Variants in PTBP3 observed in about 807,000 individuals in gnomAD.
The protein encoded by PTBP3 is polypyrimidine tract binding protein 3, also known as polypyrimidine tract-binding protein 3.
Under a neutral mutation model 58.7 loss-of-function variants are expected in PTBP3, and 20 were observed. The ratio of observed to expected loss-of-function variants is 0.34; its 90% CI spans 0.24 to 0.50. PTBP3 has a LOEUF of 0.50. Ranked by LOEUF, PTBP3 falls within the 20% of genes least tolerant of loss-of-function variation. The probability of loss-of-function intolerance (pLI) is 0.98; values close to 1 mark genes in which losing one functional copy is unlikely to be tolerated. For missense variants in PTBP3, 509 were observed against 637.2 expected, an observed-to-expected ratio of 0.80 and a Z score of 2.17; for synonymous variants, 185 against 219.8, an observed-to-expected ratio of 0.84 and a Z score of 1.40.
intron 1 of PTBP3, among the ~76,000 whole-genome samples, chr9:112,307,537 C>T (rs573980002): frequency 3.3e-5 from 5 of 152,242 alleles, no homozygotes; most frequent in African/African-American, 4.8e-5. Flanking sequence ...ATAAACAAGA[C>T]GTTTCTGAAG....
chr9:112,351,259 T>G, the PTBP3 span, among the ~76,000 whole-genome samples: 1 of 152,224 alleles, frequency 6.6e-6, no homozygotes, highest in Non-Finnish European at 1.5e-5. Flanking sequence ...GTGATGACCT[T>G]CACAGTTTTA....
chr9:112,336,520 C>A (rs1398234953), upstream of PTBP3, among the ~76,000 whole-genome samples: 1 of 40,826 alleles, frequency 2.4e-5, no homozygotes, highest in Non-Finnish European at 3.9e-5. Context: ...GTGGCTCACA[C>A]CTGTAAATCA....
At chr9:112,294,528 C>G (rs1828584757) in intron 2 of PTBP3, among the ~76,000 whole-genome samples, 1 of 152,028 alleles carries the variant, frequency 6.6e-6, no homozygotes, top group African/African-American at 2.4e-5. Context: ...AAAAACAAAA[C>G]AAAACAAAAA....
At chr9:112,316,787 C>T (rs1829720468) in intron 1 of PTBP3, among the ~76,000 whole-genome samples, 1 of 151,774 alleles carries the variant, frequency 6.6e-6, no homozygotes, top group Non-Finnish European at 1.5e-5. Context: ...GTGTGGCCAA[C>T]ATGGCGAAAC....
chr9:112,331,447 C>G (rs1276344062), intron 1 of PTBP3, among the ~76,000 whole-genome samples: 2 of 152,156 alleles, frequency 1.3e-5, no homozygotes, highest in African/African-American at 4.8e-5. Context: ...TTGTTAATAA[C>G]CTATGTCATC....
the PTBP3 span, among the ~76,000 whole-genome samples, chr9:112,355,956 TTCTC>T: frequency 1.3e-5 from 2 of 151,730 alleles, no homozygotes; most frequent in East Asian, 1.9e-4. Context: ...CTTTCTTTCT[TTCTC>T]TTTCTCTTTC....
intron 9 of PTBP3, 21 bp downstream of exon 9, chr9:112,232,078 A>C: frequency 6.3e-7 from 1 of 1,591,588 alleles, no homozygotes; most frequent in Non-Finnish European, 8.5e-7. Context: ...GACTATTTAC[A>C]TATAATACTT....
the PTBP3 span, among the ~76,000 whole-genome samples, chr9:112,352,834 A>AT: frequency 6.6e-6 from 1 of 151,648 alleles, no homozygotes; most frequent in African/African-American, 2.4e-5. Context: ...GTTCTGGTTC[A>AT]TTTTTTTGTG....
rs1050458072 is a variant in PTBP3, at chr9:112,277,720, C to A, written c.35-1707G>T. Reference sequence around the variant, plus strand: ...AAAAAAAACCAAACAAACAAACAAACAAAAAAATTAGCAGGATGTGCTGGC... The same window carrying A: ...AAAAAAAACCAAACAAACAAACAAAAAAAAAAATTAGCAGGATGTGCTGGC... On this transcript the variant is annotated intron_variant, in intron 2 of 13. Coordinates refer to ENST00000374257, the MANE Select transcript of PTBP3 (RefSeq NM_001163788.4). 1.8e-4 allele frequency among the ~76,000 whole-genome samples: 27 copies of A among 151,562 alleles called. 1 individual carries two copies. Among genetic ancestry groups the A allele is most frequent in the Non-Finnish European group, 3.5e-4 (24 of 67,876 alleles).
the PTBP3 span, chr9:112,362,763 G>A: frequency 5.2e-5 from 13 of 251,648 alleles, no homozygotes; most frequent in South Asian, 5.4e-4. Context: ...AAAAAGAGGA[G>A]CAAGAAGTTC....
Position 112,313,925 on chromosome 9 carries a change from CA to C in PTBP3, c.-51-16010del, listed in dbSNP as rs564844083. Reference sequence around the variant, plus strand: ...GGATGAACCAACTGACGACGGAAAACATTTGGGAAAAAAAGTTCCACAAAGT... The same window carrying C: ...GGATGAACCAACTGACGACGGAAAACTTTGGGAAAAAAAGTTCCACAAAGT... On this transcript the variant is annotated intron_variant, in intron 1 of 13. Coordinates refer to ENST00000374257, the MANE Select transcript of PTBP3 (RefSeq NM_001163788.4). Among the ~76,000 whole-genome samples, 1,208 of 152,234 alleles carry C rather than the reference CA, an allele frequency of 7.9e-3. 5 individuals carry two copies. The highest frequency in any genetic ancestry group is 0.027 in the Middle Eastern group (8 of 294).
chr9:112,304,548 G>A (rs1197328771), intron 1 of PTBP3, among the ~76,000 whole-genome samples: 2 of 152,118 alleles, frequency 1.3e-5, no homozygotes, highest in Admixed American at 6.5e-5. Context: ...CTTTCTCCAT[G>A]TTGTTAGTCT....
At chr9:112,305,255 A>C (rs1011711094) in intron 1 of PTBP3, among the ~76,000 whole-genome samples, 1 of 127,274 alleles carries the variant, frequency 7.9e-6, no homozygotes, top group African/African-American at 2.8e-5. Flanking sequence ...TCATGCCTGA[A>C]AGGACTTTTT....
At chr9:112,343,918 C>T in the PTBP3 span, among the ~76,000 whole-genome samples, 1 of 151,684 alleles carries the variant, frequency 6.6e-6, no homozygotes, top group Non-Finnish European at 1.5e-5. Context: ...AGTACCTGTT[C>T]ATATATTTTA....
intron 1 of PTBP3, among the ~76,000 whole-genome samples, chr9:112,315,384 A>C (rs1829661619): frequency 6.6e-6 from 1 of 152,182 alleles, no homozygotes; most frequent in African/African-American, 2.4e-5. Flanking sequence ...CATGGGCCAA[A>C]AGAGAAGTCC....
chr9:112,287,477 A>T (rs949083764), intron 2 of PTBP3, among the ~76,000 whole-genome samples: 6 of 151,212 alleles, frequency 4.0e-5, no homozygotes, highest in Admixed American at 2.6e-4. Flanking sequence ...AGCAGCTGAG[A>T]TTACCGGTGC....
Position 112,253,512 on chromosome 9 carries a change from T to C in PTBP3, c.517-724A>G, listed in dbSNP as rs73537726. Reference sequence around the variant, plus strand: ...GGTTCACGGCCAGGGTTACTATTAATAGTAACTCATTTCTGAAGGACTAAA... The same window carrying C: ...GGTTCACGGCCAGGGTTACTATTAACAGTAACTCATTTCTGAAGGACTAAA... On this transcript the variant is annotated intron_variant, in intron 5 of 13. Coordinates refer to ENST00000374257, the MANE Select transcript of PTBP3 (RefSeq NM_001163788.4). Among the ~76,000 whole-genome samples the C allele has an allele frequency of 4.6e-3, 707 of 152,260 alleles. 9 individuals are homozygous for C. The highest frequency in any genetic ancestry group is 0.016 in the African/African-American group (669 of 41,542).
At position 112,222,115 on chromosome 9, in the gene PTBP3, T is replaced by C. The variant is rs1227018991; in HGVS notation, c.*1736A>G. The C allele has an allele frequency of 2.1e-5, 21 of 985,608 alleles. No homozygotes were observed. In the South Asian group the frequency reaches 8.0e-4, roughly 37 times the overall value. 61.1% of individuals were successfully genotyped at this position (985,608 alleles called of 1,614,324 possible). A position where few individuals can be genotyped will look rare whatever the true frequency, so the allele number is the denominator to read the frequency against. On this transcript the variant is annotated 3_prime_UTR_variant, in exon 14 of 14. Coordinates refer to ENST00000374257, the MANE Select transcript of PTBP3 (RefSeq NM_001163788.4). ...ACCATGCCCAGCAAGATATTCTTTA[T>C]TCTTTTAAAAGTTGAGATGAGACAC...
the PTBP3 span, among the ~76,000 whole-genome samples, chr9:112,359,195 C>A: frequency 4.7e-4 from 71 of 151,370 alleles, no homozygotes; most frequent in African/African-American, 1.7e-3. Context: ...AATCCCAGCA[C>A]TTTGGGAGGC....
Sources: gnomAD v4.1 joint callset for allele counts (sites outside exome capture counted in the v4.1 genomes callset) on GRCh38, gnomAD v4.1.1 for gene constraint, MANE v1.5 for transcripts, NCBI Gene and HGNC (gene_info 2026-07-23, HGNC 2026-07-21) for gene names.